COL5A2: variants seen among roughly 807,000 people sequenced by gnomAD.
COL5A2 encodes the protein collagen alpha-2(V) chain.
COL5A2 carries 23 observed loss-of-function variants against 208.2 expected under a neutral mutation model. That is an observed-to-expected ratio of 0.11 (90% CI 0.08 to 0.16). COL5A2 has a LOEUF of 0.16. Ranked by LOEUF, COL5A2 falls within the 10% of genes least tolerant of loss-of-function variation. The pLI is 1.00. For synonymous variants in COL5A2, 625 were observed against 628.5 expected (o/e 0.99, Z 0.08); for missense variants, 1,590 against 1,956.4 (o/e 0.81, Z 3.53).
intron 1 of COL5A2, among the ~76,000 whole-genome samples, chr2:189,126,123 T>C (rs1002899550): frequency 1.3e-5 from 2 of 152,116 alleles, no homozygotes; most frequent in African/African-American, 4.8e-5. Flanking sequence ...ACAGGAACTA[T>C]GTTATACTTA....
At chr2:189,326,832 A>G in the COL5A2 span, among the ~76,000 whole-genome samples, 2 of 151,982 alleles carry the variant, frequency 1.3e-5, no homozygotes, top group African/African-American at 4.8e-5. Flanking sequence ...GCACTTTGGG[A>G]GGCTGAGGTG....
At chr2:189,146,803 A>C (rs571804662) in intron 1 of COL5A2, among the ~76,000 whole-genome samples, 2 of 152,290 alleles carry the variant, frequency 1.3e-5, no homozygotes, top group African/African-American at 4.8e-5. Context: ...ACAGCAAACT[A>C]TTACAGTAAA....
the COL5A2 span, among the ~76,000 whole-genome samples, chr2:189,393,684 G>A: frequency 6.6e-6 from 1 of 152,194 alleles, no homozygotes; most frequent in Non-Finnish European, 1.5e-5. Flanking sequence ...TAGTCATGAA[G>A]TGATAACTGG....
the COL5A2 span, among the ~76,000 whole-genome samples, chr2:189,282,322 T>C: frequency 3.3e-5 from 5 of 152,170 alleles, no homozygotes; most frequent in Non-Finnish European, 5.9e-5. Context: ...TCTAGAAATA[T>C]ATAGCATATT....
the COL5A2 span, among the ~76,000 whole-genome samples, chr2:189,295,950 T>C: frequency 6.6e-6 from 1 of 151,690 alleles, no homozygotes; most frequent in African/African-American, 2.4e-5. Flanking sequence ...CAGATGTGGT[T>C]TTTTTGTATT....
upstream of COL5A2, among the ~76,000 whole-genome samples, chr2:189,228,135 C>T (rs1426431619): frequency 6.6e-6 from 1 of 151,634 alleles, no homozygotes; most frequent in Non-Finnish European, 1.5e-5. Flanking sequence ...GAAAACACAA[C>T]ATATTAAAAG....
chr2:189,089,881 C>CAA (rs1686747156), intron 7 of COL5A2, among the ~76,000 whole-genome samples: 1 of 152,066 alleles, frequency 6.6e-6, no homozygotes, highest in Non-Finnish European at 1.5e-5. Flanking sequence ...CCGGGTGTTC[C>CAA]CCATCTCTCT....
At chr2:189,266,961 A>C in the COL5A2 span, among the ~76,000 whole-genome samples, 2 of 151,434 alleles carry the variant, frequency 1.3e-5, no homozygotes, top group African/African-American at 4.8e-5. Flanking sequence ...ATATTAATGA[A>C]AATAAATATT....
intron 53 of COL5A2, among the ~76,000 whole-genome samples, 154 bp from the exon 54 acceptor site, chr2:189,034,370 T>C (rs1054819928): frequency 1.3e-5 from 2 of 152,224 alleles, no homozygotes; most frequent in East Asian, 3.8e-4. Context: ...GAAATATTAG[T>C]GTACTTATGT....
the COL5A2 span, among the ~76,000 whole-genome samples, chr2:189,385,886 A>G: frequency 2.0e-5 from 3 of 152,288 alleles, no homozygotes; most frequent in Admixed American, 6.5e-5. Context: ...TAATAAAGAC[A>G]TACCTGAGAC....
At chr2:189,040,335 CTTTT>C (rs34847104) in intron 50 of COL5A2, among the ~76,000 whole-genome samples, 2 of 138,258 alleles carry the variant, frequency 1.4e-5, no homozygotes, top group African/African-American at 2.7e-5. Flanking sequence ...GCCCTCCTGC[CTTTT>C]TTTTTTTTTT....
intron 1 of COL5A2, among the ~76,000 whole-genome samples, chr2:189,140,217 T>C (rs1370311936): frequency 6.6e-6 from 1 of 152,128 alleles, no homozygotes; most frequent in Admixed American, 6.5e-5. Flanking sequence ...ACCAAAATAA[T>C]CACACTTTAA....
At chr2:189,121,528 C>T (rs540310392) in intron 1 of COL5A2, among the ~76,000 whole-genome samples, 4 of 151,788 alleles carry the variant, frequency 2.6e-5, no homozygotes, top group African/African-American at 9.7e-5. Context: ...TGCGGTGGTG[C>T]GGGCCAGCAG....
chr2:189,274,453 T>C, the COL5A2 span, among the ~76,000 whole-genome samples: 1 of 152,164 alleles, frequency 6.6e-6, no homozygotes, highest in Non-Finnish European at 1.5e-5. Context: ...GGTTCAGCCT[T>C]ACAAATGCTC....
intron 49 of COL5A2, 57 bp downstream of exon 49, chr2:189,042,663 T>A: frequency 6.7e-7 from 1 of 1,495,606 alleles, no homozygotes; most frequent in Non-Finnish European, 9.3e-7. Flanking sequence ...GCATTAGCAG[T>A]ACATCAACAA....
rs761988412 is a variant in COL5A2 at position 189,051,420 on chromosome 2, C to A, written c.2831G>T (p.Arg944Leu). The change falls in exon 42 of 54, where the codon CGT (arginine) becomes CTT (leucine). Residue 944 changes from arginine to leucine, a missense_variant. Arg to Leu is a moderately radical substitution (Grantham distance 102). Transcript: ENST00000374866. ...EPGKEGPPGL[R>L]GDPGSHGRVG... ...ACGCCCATGAGAGCCAGGGTCCCCA[C>A]GAAGACCTGGAGGTCCCTCCTTCCC... 6.2e-7 allele frequency: 1 copy of A among 1,613,758 alleles called. No homozygotes were observed. The highest frequency in any genetic ancestry group is 1.1e-5 in the South Asian group (1 of 91,058).
At chr2:189,310,724 G>A in the COL5A2 span, among the ~76,000 whole-genome samples, 6 of 87,980 alleles carry the variant, frequency 6.8e-5, no homozygotes, top group African/African-American at 2.8e-4. Context: ...CATACACAAT[G>A]GAGTACTATC....
intron 1 of COL5A2, among the ~76,000 whole-genome samples, chr2:189,220,852 C>T (rs1168610330): frequency 6.6e-6 from 1 of 152,170 alleles, no homozygotes; most frequent in Non-Finnish European, 1.5e-5. Flanking sequence ...GTACCCTGAT[C>T]ATTTTTTATA....
chr2:189,344,215 C>T, the COL5A2 span, among the ~76,000 whole-genome samples: 2 of 152,134 alleles, frequency 1.3e-5, no homozygotes, highest in Non-Finnish European at 2.9e-5. Context: ...GTTTACATGG[C>T]TAAACTTTGC....
Sources: allele counts gnomAD v4.1 joint callset (sites outside exome capture counted in the v4.1 genomes callset), GRCh38; gene constraint gnomAD v4.1.1; transcripts MANE v1.5; gene names NCBI Gene and HGNC (gene_info 2026-07-23, HGNC 2026-07-21).